NTRK2: variants seen among roughly 807,000 people sequenced by gnomAD.
NTRK2 encodes neurotrophic receptor tyrosine kinase 2, also known as BDNF/NT-3 growth factors receptor.
In NTRK2, 13 loss-of-function variants were observed where a neutral mutation model predicts 94.5. The observed-to-expected ratio is 0.14, with a 90% CI of 0.09 to 0.22. The LOEUF is 0.22. Ranked by LOEUF, NTRK2 falls within the 10% of genes least tolerant of loss-of-function variation. The pLI is 1.00. For synonymous variants in NTRK2, 372 were observed against 407.4 expected, an observed-to-expected ratio of 0.91 and a Z score of 1.05; for missense variants, 639 against 1,071.2, an observed-to-expected ratio of 0.60 and a Z score of 5.63.
intron 14 of NTRK2, among the ~76,000 whole-genome samples, chr9:84,884,022 G>T (rs1408178333): frequency 6.6e-6 from 1 of 152,130 alleles, no homozygotes; most frequent in Non-Finnish European, 1.5e-5. Flanking sequence ...GTTTCTTTTG[G>T]AATTTCATTT....
At chr9:84,823,654 T>G (rs2072996853) in intron 12 of NTRK2, among the ~76,000 whole-genome samples, 1 of 152,354 alleles carries the variant, frequency 6.6e-6, no homozygotes, top group Admixed American at 6.5e-5. Flanking sequence ...CATGTTGGCG[T>G]GCAGGAATGA....
intron 12 of NTRK2, among the ~76,000 whole-genome samples, chr9:84,809,979 G>A (rs1406699964): frequency 6.6e-6 from 1 of 151,882 alleles, no homozygotes; most frequent in Non-Finnish European, 1.5e-5. Context: ...CTCTGGGCCA[G>A]TTGCTGAGTA....
chr9:84,695,054 C>CA (rs61049105), intron 2 of NTRK2, among the ~76,000 whole-genome samples: 2,867 of 68,332 alleles, frequency 0.042, 56 homozygotes, highest in Admixed American at 0.06. Context: ...GACTCCGTCT[C>CA]AAAAAAAAAA....
chr9:84,756,306 A>G (rs990886576), intron 12 of NTRK2, among the ~76,000 whole-genome samples: 1 of 152,188 alleles, frequency 6.6e-6, no homozygotes, highest in African/African-American at 2.4e-5. Flanking sequence ...TCTTGTGTTT[A>G]GCTCTCGCAT....
intron 12 of NTRK2, among the ~76,000 whole-genome samples, chr9:84,854,426 G>A (rs2074956583): frequency 6.6e-6 from 1 of 152,098 alleles, no homozygotes; most frequent in African/African-American, 2.4e-5. Context: ...GTTTCTAGGG[G>A]AGCTGGTCTA....
intron 14 of NTRK2, among the ~76,000 whole-genome samples, chr9:84,926,078 T>A (rs1266335916): frequency 6.6e-6 from 1 of 151,920 alleles, no homozygotes; most frequent in Non-Finnish European, 1.5e-5. Context: ...CCAGTCTCTT[T>A]CTTTCCCTTC....
chr9:84,947,431 G>A (rs2132868826), intron 15 of NTRK2, among the ~76,000 whole-genome samples: 1 of 152,212 alleles, frequency 6.6e-6, no homozygotes, highest in Non-Finnish European at 1.5e-5. Context: ...TGGCAAAGGT[G>A]AGGAGTTCAA....
At chr9:84,994,489 G>T (rs1043958045) in intron 17 of NTRK2, among the ~76,000 whole-genome samples, 2 of 152,202 alleles carry the variant, frequency 1.3e-5, no homozygotes, top group South Asian at 4.2e-4. Flanking sequence ...TGGTTTGGAG[G>T]CAGGTTCCCC....
chr9:84,685,655 G>C (rs1267049190), intron 2 of NTRK2, among the ~76,000 whole-genome samples: 1 of 152,108 alleles, frequency 6.6e-6, no homozygotes, highest in South Asian at 2.1e-4. Context: ...GCCACTCTGA[G>C]TTTTCAATTT....
intron 12 of NTRK2, among the ~76,000 whole-genome samples, chr9:84,807,031 C>T (rs1054317471): frequency 6.6e-6 from 1 of 152,234 alleles, no homozygotes; most frequent in Non-Finnish European, 1.5e-5. Flanking sequence ...TCTGCTTGAA[C>T]TCTCCCAATG....
At chr9:84,777,285 T>C (rs998138596) in intron 12 of NTRK2, among the ~76,000 whole-genome samples, 1 of 152,210 alleles carries the variant, frequency 6.6e-6, no homozygotes, top group Non-Finnish European at 1.5e-5. Context: ...GTGACACCGT[T>C]CAGAGAACTC....
intron 12 of NTRK2, among the ~76,000 whole-genome samples, chr9:84,762,849 A>T (rs995069125): frequency 9.9e-5 from 15 of 151,978 alleles, no homozygotes; most frequent in Non-Finnish European, 2.1e-4. Flanking sequence ...CCTCTCCCTT[A>T]CTCAGGTTGC....
chr9:84,912,525 A>T (rs1333843662), intron 14 of NTRK2, among the ~76,000 whole-genome samples: 1 of 145,614 alleles, frequency 6.9e-6, no homozygotes, highest in Non-Finnish European at 1.5e-5. Context: ...TATACAGTTT[A>T]CTGTATCTGA....
At chr9:84,911,526 TG>T (rs1215978073) in intron 14 of NTRK2, among the ~76,000 whole-genome samples, 3 of 152,276 alleles carry the variant, frequency 2.0e-5, no homozygotes, top group Admixed American at 2.0e-4. Context: ...TGGCCCATTT[TG>T]TCCATAAAAC....
chr9:84,855,336 G>C (rs1199499194), intron 12 of NTRK2, among the ~76,000 whole-genome samples: 2 of 152,172 alleles, frequency 1.3e-5, no homozygotes, highest in Non-Finnish European at 1.5e-5. Context: ...AGACTCAACT[G>C]TTGATAGAGA....
intron 14 of NTRK2, among the ~76,000 whole-genome samples, chr9:84,924,244 A>AAAG (rs2077672802): frequency 7.2e-6 from 1 of 138,272 alleles, no homozygotes; most frequent in Non-Finnish European, 1.5e-5. Context: ...AGAAAGAAAG[A>AAAG]AAGAAAGAAA....
intron 16 of NTRK2, 109 bp downstream of exon 16, chr9:84,948,743 C>T: frequency 1.1e-6 from 1 of 912,732 alleles, no homozygotes; most frequent in South Asian, 1.6e-5. Flanking sequence ...CTCGAAGCAT[C>T]TTATTTGATA....
chr9:84,801,822 C>G (rs997571967), intron 12 of NTRK2, among the ~76,000 whole-genome samples: 4 of 152,126 alleles, frequency 2.6e-5, no homozygotes, highest in African/African-American at 9.7e-5. Context: ...GGTAAATGGC[C>G]ATAATTGTGA....
intron 15 of NTRK2, among the ~76,000 whole-genome samples, chr9:84,947,050 G>T (rs563242017): frequency 1.3e-5 from 2 of 152,208 alleles, no homozygotes; most frequent in African/African-American, 4.8e-5. Context: ...CTGCCTCCTG[G>T]GTTCAAGTGA....
Sources: gnomAD v4.1 joint callset for allele counts (sites outside exome capture counted in the v4.1 genomes callset) on GRCh38, gnomAD v4.1.1 for gene constraint, MANE v1.5 for transcripts, NCBI Gene and HGNC (gene_info 2026-07-23, HGNC 2026-07-21) for gene names.